The following MCTP1 variants were observed in gnomAD, a reference collection of about 807,000 sequenced individuals.
MCTP1 encodes multiple C2 and transmembrane domain containing 1.
In MCTP1, 69 loss-of-function variants were observed where a neutral mutation model predicts 120.6. The ratio of observed to expected loss-of-function variants is 0.57; its 90% CI spans 0.47 to 0.70. The LOEUF (loss-of-function observed/expected upper bound fraction) is 0.70, where lower values mean the gene tolerates loss of function less well. MCTP1 is among the 30% of genes least tolerant of loss of function. The pLI is 0.00. For synonymous variants in MCTP1, 529 were observed against 493.1 expected (o/e 1.07, Z -0.96); for missense variants, 1,203 against 1,248.8 (o/e 0.96, Z 0.55).
intron 18 of MCTP1, among the ~76,000 whole-genome samples, chr5:94,785,982 C>T (rs1026852041): frequency 1.3e-5 from 2 of 152,024 alleles, no homozygotes; most frequent in Admixed American, 1.3e-4. Context: ...GAATATATTT[C>T]CATATATGAT....
chr5:95,076,564 T>C lies in MCTP1; in HGVS notation c.721-59080A>G, dbSNP rs1400043808. Among the ~76,000 whole-genome samples the C allele has an allele frequency of 2.6e-5, 4 of 152,268 alleles. No homozygotes were observed. In the East Asian group the frequency reaches 7.7e-4, roughly 29 times the overall value. On this transcript the variant is annotated intron_variant, in intron 1 of 22. Coordinates refer to ENST00000515393, the MANE Select transcript of MCTP1 (RefSeq NM_024717.7). ...TTGAAACTGAGTCTCAGACTGCAGT[T>C]ACATGGAGTTAAGGTTTCCAGTGGG...
intron 1 of MCTP1, among the ~76,000 whole-genome samples, chr5:95,048,002 C>A (rs1341420127): frequency 1.3e-5 from 2 of 152,118 alleles, no homozygotes; most frequent in Non-Finnish European, 2.9e-5. Context: ...CCAAAGGAAT[C>A]ATTTGATGAT....
At chr5:94,776,027 G>C (rs1030353891) in intron 19 of MCTP1, among the ~76,000 whole-genome samples, 23 of 149,836 alleles carry the variant, frequency 1.5e-4, no homozygotes, top group African/African-American at 5.6e-4. Context: ...TAGGAATCCA[G>C]GTAAATCATG....
intron 10 of MCTP1, among the ~76,000 whole-genome samples, chr5:94,905,542 C>T (rs943428312): frequency 5.9e-5 from 9 of 151,886 alleles, no homozygotes; most frequent in Non-Finnish European, 7.4e-5. Context: ...GATGAGCGGT[C>T]GAGAATCCTC....
chr5:95,068,393 A>G (rs910703406), intron 1 of MCTP1, among the ~76,000 whole-genome samples: 6 of 152,240 alleles, frequency 3.9e-5, no homozygotes, highest in African/African-American at 1.4e-4. Flanking sequence ...ACAGACAGTA[A>G]ACATAGGAAT....
intron 1 of MCTP1, among the ~76,000 whole-genome samples, chr5:95,061,422 T>TTTTTTTTTTTTTTTTTTTG (rs1749134496): frequency 3.3e-5 from 1 of 30,526 alleles, no homozygotes; most frequent in Non-Finnish European, 6.7e-5. Context: ...TTTTTTTTTT[T>TTTTTTTTTTTTTTTTTTTG]TTTTTTTTTT....
intron 1 of MCTP1, among the ~76,000 whole-genome samples, chr5:95,167,133 A>G (rs147551662): frequency 2.4e-4 from 37 of 152,124 alleles, no homozygotes; most frequent in Non-Finnish European, 4.1e-4. Flanking sequence ...TGATTGTTCA[A>G]TTCCCACCTA....
intron 1 of MCTP1, among the ~76,000 whole-genome samples, chr5:95,119,510 A>G (rs2152404150): frequency 6.6e-6 from 1 of 152,274 alleles, no homozygotes; most frequent in Admixed American, 6.5e-5. Flanking sequence ...AATTAGTAGA[A>G]GAAAAGAAAT....
At chr5:94,977,681 C>T (rs1454234774) in intron 2 of MCTP1, among the ~76,000 whole-genome samples, 1 of 152,064 alleles carries the variant, frequency 6.6e-6, no homozygotes, top group Non-Finnish European at 1.5e-5. Context: ...AACTGACCTT[C>T]AACAAGGGTG....
At chr5:94,727,437 T>C (rs1762345621) in intron 19 of MCTP1, among the ~76,000 whole-genome samples, 1 of 152,228 alleles carries the variant, frequency 6.6e-6, no homozygotes, top group Non-Finnish European at 1.5e-5. Context: ...GGTATTTCCT[T>C]TCCAAACAAA....
intron 19 of MCTP1, among the ~76,000 whole-genome samples, chr5:94,757,629 A>G (rs1770247592): frequency 6.6e-6 from 1 of 152,256 alleles, no homozygotes; most frequent in African/African-American, 2.4e-5. Context: ...GACGAAAGGC[A>G]GAAATGGAGA....
chr5:95,152,490 T>C (rs1744642273), intron 1 of MCTP1, among the ~76,000 whole-genome samples: 1 of 152,164 alleles, frequency 6.6e-6, no homozygotes, highest in African/African-American at 2.4e-5. Context: ...AATTCTCCCA[T>C]TTGGAAACTA....
chr5:95,197,649 A>G (rs969178492), intron 1 of MCTP1, among the ~76,000 whole-genome samples: 2 of 152,208 alleles, frequency 1.3e-5, no homozygotes, highest in African/African-American at 2.4e-5. Flanking sequence ...CAAATCACAT[A>G]TATATACACA....
intron 1 of MCTP1, among the ~76,000 whole-genome samples, chr5:95,087,958 G>A (rs1562132836): frequency 6.6e-6 from 1 of 152,200 alleles, no homozygotes; most frequent in South Asian, 2.1e-4. Context: ...CTGACAGCCG[G>A]GTTAGCGATT....
At chr5:95,098,555 A>C (rs934866033) in intron 1 of MCTP1, among the ~76,000 whole-genome samples, 1 of 151,928 alleles carries the variant, frequency 6.6e-6, no homozygotes, top group East Asian at 1.9e-4. Flanking sequence ...CTAGGAATCC[A>C]CCTTACAAGG....
chr5:94,897,464 C>A (rs1804338979), intron 10 of MCTP1, among the ~76,000 whole-genome samples: 1 of 152,156 alleles, frequency 6.6e-6, no homozygotes. Flanking sequence ...TCAAGCAATT[C>A]TCGTGCCTCA....
At chr5:94,748,975 T>C (rs1273791532) in intron 19 of MCTP1, among the ~76,000 whole-genome samples, 1 of 152,212 alleles carries the variant, frequency 6.6e-6, no homozygotes, top group African/African-American at 2.4e-5. Context: ...GGTCAAGAAA[T>C]ACAGTTTTGT....
At chr5:95,130,381 G>A (rs1475673433) in intron 1 of MCTP1, among the ~76,000 whole-genome samples, 1 of 152,168 alleles carries the variant, frequency 6.6e-6, no homozygotes, top group Non-Finnish European at 1.5e-5. Context: ...CCACTGACAA[G>A]AGACATAAAA....
At chr5:95,261,087 A>C (rs962411967) in intron 1 of MCTP1, among the ~76,000 whole-genome samples, 5 of 152,228 alleles carry the variant, frequency 3.3e-5, no homozygotes, top group African/African-American at 1.2e-4. Context: ...CTATTCCTCT[A>C]GATAGTAAGG....
Sources: allele counts gnomAD v4.1 joint callset (sites outside exome capture counted in the v4.1 genomes callset), GRCh38; gene constraint gnomAD v4.1.1; transcripts MANE v1.5; gene names NCBI Gene and HGNC (gene_info 2026-07-23, HGNC 2026-07-21).